Variants in HOMER1 observed in about 807,000 individuals in gnomAD.
The protein encoded by HOMER1 is homer protein homolog 1.
HOMER1 carries 3 observed loss-of-function variants against 48.9 expected under a neutral mutation model. The observed-to-expected ratio is 0.06, with a 90% CI of 0.03 to 0.16. The LOEUF (loss-of-function observed/expected upper bound fraction) is 0.16. Among genes scored for constraint, HOMER1 ranks in the 10% least tolerant of loss-of-function variants. The pLI, the probability that HOMER1 is intolerant of heterozygous loss-of-function variation, is 1.00. For synonymous variants in HOMER1, 134 were observed against 146.4 expected (o/e 0.92, Z 0.61); for missense variants, 247 against 411.4 (o/e 0.60, Z 3.46).
chr5:79,424,958 G>A (rs1297605657), intron 5 of HOMER1, among the ~76,000 whole-genome samples: 2 of 152,048 alleles, frequency 1.3e-5, no homozygotes, highest in Non-Finnish European at 2.9e-5. Context: ...TCTACATGGA[G>A]ATAGCTTAAA....
chr5:79,414,302 C>G (rs1749886954), intron 5 of HOMER1, among the ~76,000 whole-genome samples: 1 of 151,428 alleles, frequency 6.6e-6, no homozygotes, highest in African/African-American at 2.4e-5. Context: ...GCAGTGTTGT[C>G]CAGGCTGGTC....
At chr5:79,394,070 C>A (rs1225767151) in intron 8 of HOMER1, among the ~76,000 whole-genome samples, 2 of 152,002 alleles carry the variant, frequency 1.3e-5, no homozygotes, top group Admixed American at 1.3e-4. Flanking sequence ...TTACAATGGG[C>A]ATGTTTTTCA....
At chr5:79,451,423 T>G (rs905603137) in intron 2 of HOMER1, among the ~76,000 whole-genome samples, 4 of 152,134 alleles carry the variant, frequency 2.6e-5, no homozygotes, top group African/African-American at 7.2e-5. Flanking sequence ...TTTGAATGTT[T>G]AGAATCAATA....
In HOMER1 at chr5:79,377,258, G is replaced by A. The variant is rs550396638; in HGVS notation, c.877-1061C>T. 7.2e-5 allele frequency among the ~76,000 whole-genome samples: 11 copies of A among 152,148 alleles called. No individual in the cohort carries two copies. The South Asian group carries it at 1.7e-3, about 23-fold the overall frequency. ...TAGGATTACAGGCGTGAGCCACCCCGCCTGGCCTATTACTGCTTTTAAAAT... is the reference window on the plus strand; with the variant it reads ...TAGGATTACAGGCGTGAGCCACCCCACCTGGCCTATTACTGCTTTTAAAAT... On this transcript the variant is annotated intron_variant, in intron 8 of 8. Transcript: ENST00000334082.
chr5:79,384,661 TC>T (rs1417228530), intron 8 of HOMER1, among the ~76,000 whole-genome samples: 2 of 152,102 alleles, frequency 1.3e-5, no homozygotes, highest in African/African-American at 4.8e-5. Context: ...CCAGCATTAC[TC>T]TGATACCAAA....
At chr5:79,428,500 ATCTT>A (rs1350998141) in intron 5 of HOMER1, among the ~76,000 whole-genome samples, 2 of 152,158 alleles carry the variant, frequency 1.3e-5, no homozygotes, top group East Asian at 1.9e-4. Context: ...GAAGTAAACT[ATCTT>A]TATTTACAGA....
chr5:79,387,069 T>TCTCTCTC (rs1749133581), intron 8 of HOMER1, among the ~76,000 whole-genome samples: 5 of 132,354 alleles, frequency 3.8e-5, no homozygotes, highest in Admixed American at 1.5e-4. Context: ...TTTCCTTTCT[T>TCTCTCTC]TCTCTATCTC....
chr5:79,464,801 G>A (rs903015146), intron 1 of HOMER1, among the ~76,000 whole-genome samples: 3 of 152,076 alleles, frequency 2.0e-5, no homozygotes, highest in Admixed American at 6.5e-5. Flanking sequence ...TAAGCTGATT[G>A]CTTATACATA....
At chr5:79,381,810 C>T (rs1470115259) in intron 8 of HOMER1, among the ~76,000 whole-genome samples, 3 of 151,540 alleles carry the variant, frequency 2.0e-5, no homozygotes, top group Non-Finnish European at 2.9e-5. Context: ...ACATGAACCT[C>T]GGAGGTGGAG....
intron 1 of HOMER1, among the ~76,000 whole-genome samples, chr5:79,465,015 G>A (rs1269825934): frequency 6.6e-6 from 1 of 151,866 alleles, no homozygotes; most frequent in Admixed American, 6.5e-5. Flanking sequence ...TAGAAGTATC[G>A]AGACTTCTGG....
chr5:79,493,848 T>C (rs190991813), intron 1 of HOMER1, among the ~76,000 whole-genome samples: 64 of 152,342 alleles, frequency 4.2e-4, no homozygotes, highest in Admixed American at 3.3e-3. Context: ...GCTGAGCTAC[T>C]ATTTCAAAGA....
chr5:79,464,071 G>A (rs1751389491), intron 1 of HOMER1, among the ~76,000 whole-genome samples: 1 of 152,002 alleles, frequency 6.6e-6, no homozygotes, highest in African/African-American at 2.4e-5. Context: ...ACCTTGTATA[G>A]GTATTAAAAT....
chr5:79,427,095 T>C (rs1247441664), intron 5 of HOMER1, among the ~76,000 whole-genome samples: 1 of 152,184 alleles, frequency 6.6e-6, no homozygotes, highest in Non-Finnish European at 1.5e-5. Context: ...CAAAACTACA[T>C]GTATCCAGAA....
intron 8 of HOMER1, among the ~76,000 whole-genome samples, chr5:79,384,793 T>C (rs1749067376): frequency 6.6e-6 from 1 of 152,044 alleles, no homozygotes; most frequent in Non-Finnish European, 1.5e-5. Context: ...AAAAAGATGA[T>C]ACACCATAAT....
intron 5 of HOMER1, among the ~76,000 whole-genome samples, chr5:79,433,298 C>T (rs1443307215): frequency 6.6e-6 from 1 of 152,164 alleles, no homozygotes; most frequent in Non-Finnish European, 1.5e-5. Flanking sequence ...GGCGTGGTGG[C>T]TCACACCTGT....
chr5:79,503,006 G>C (rs563754472), intron 1 of HOMER1, among the ~76,000 whole-genome samples: 2 of 151,842 alleles, frequency 1.3e-5, no homozygotes, highest in Non-Finnish European at 2.9e-5. Context: ...TAGCCAGGAC[G>C]GTCTTGATCT....
At chr5:79,495,866 A>G (rs1752404937) in intron 1 of HOMER1, among the ~76,000 whole-genome samples, 1 of 152,212 alleles carries the variant, frequency 6.6e-6, no homozygotes, top group South Asian at 2.1e-4. Context: ...CCTTATAGAA[A>G]TTCAAAAGCT....
intron 1 of HOMER1, among the ~76,000 whole-genome samples, chr5:79,478,876 C>T (rs1156731474): frequency 1.3e-5 from 2 of 152,162 alleles, no homozygotes; most frequent in African/African-American, 2.4e-5. Context: ...CACTTGAACC[C>T]AGGAGGTGGA....
intron 1 of HOMER1, among the ~76,000 whole-genome samples, chr5:79,467,216 C>T (rs537870721): frequency 6.6e-6 from 1 of 151,836 alleles, no homozygotes; most frequent in Admixed American, 6.6e-5. Context: ...CATGGTGAAA[C>T]CATGTCTCTA....
Sources: allele counts gnomAD v4.1 joint callset (sites outside exome capture counted in the v4.1 genomes callset), GRCh38; gene constraint gnomAD v4.1.1; transcripts MANE v1.5; gene names NCBI Gene and HGNC (gene_info 2026-07-23, HGNC 2026-07-21).